The following ZNF892 variants were observed in gnomAD, a reference collection of about 807,000 sequenced individuals.
The protein encoded by ZNF892 is zinc finger protein 570-like.
the ZNF892 span, among the ~76,000 whole-genome samples, chr2:95,210,156 T>C: frequency 2.7e-5 from 4 of 149,240 alleles, no homozygotes; most frequent in South Asian, 4.2e-4. Flanking sequence ...TATGTATATA[T>C]GTGTATATAT....
At chr2:95,214,790 C>T in the ZNF892 span, 17 of 460,748 alleles carry the variant, frequency 3.7e-5, no homozygotes, top group African/African-American at 2.4e-4. Context: ...ATGAATGTAA[C>T]GAATGTGGTA....
At chr2:95,252,255 G>T in the ZNF892 span, among the ~76,000 whole-genome samples, 1 of 116,092 alleles carries the variant, frequency 8.6e-6, no homozygotes, top group African/African-American at 3.4e-5. Flanking sequence ...CACACAGCAG[G>T]CCCCAGTGTG....
the ZNF892 span, among the ~76,000 whole-genome samples, chr2:95,210,068 C>CAT: frequency 1.4e-5 from 2 of 147,088 alleles, no homozygotes; most frequent in East Asian, 4.1e-4. Flanking sequence ...CCGTTCGATT[C>CAT]ATATATATAT....
chr2:95,210,532 G>A, the ZNF892 span, among the ~76,000 whole-genome samples: 85 of 152,162 alleles, frequency 5.6e-4, no homozygotes, highest in African/African-American at 1.9e-3. Flanking sequence ...ATGAAGGTTA[G>A]GCTAAATACT....
the ZNF892 span, among the ~76,000 whole-genome samples, chr2:95,208,444 G>A: frequency 2.0e-5 from 3 of 152,186 alleles, no homozygotes; most frequent in Non-Finnish European, 4.4e-5. Context: ...ATGCTCATAG[G>A]AGTTCTACTG....
chr2:95,246,163 C>T, the ZNF892 span, among the ~76,000 whole-genome samples: 1 of 152,128 alleles, frequency 6.6e-6, no homozygotes, highest in Non-Finnish European at 1.5e-5. Context: ...AAAGGTTATC[C>T]ACGACAATCA....
chr2:95,215,730 G>T, the ZNF892 span: 2 of 397,250 alleles, frequency 5.0e-6, no homozygotes, highest in Non-Finnish European at 8.9e-6. Flanking sequence ...GCTGATGTGG[G>T]AGGTAACATG....
the ZNF892 span, among the ~76,000 whole-genome samples, chr2:95,253,096 T>A: frequency 6.6e-6 from 1 of 152,234 alleles, no homozygotes; most frequent in African/African-American, 2.4e-5. Flanking sequence ...TTTAATTAGA[T>A]CCCATTTGTC....
chr2:95,225,910 G>A, the ZNF892 span, among the ~76,000 whole-genome samples: 2 of 152,210 alleles, frequency 1.3e-5, no homozygotes, highest in Non-Finnish European at 2.9e-5. Context: ...CAGAAAAAAA[G>A]AGAGGAGATC....
chr2:95,241,816 A>C, the ZNF892 span, among the ~76,000 whole-genome samples: 1 of 152,150 alleles, frequency 6.6e-6, no homozygotes, highest in East Asian at 1.9e-4. Context: ...GACTTGATGG[A>C]GCTAAAAACA....
the ZNF892 span, among the ~76,000 whole-genome samples, chr2:95,262,416 T>C: frequency 2.5e-4 from 38 of 152,314 alleles, no homozygotes; most frequent in Non-Finnish European, 4.6e-4. Context: ...AAAGTTCATG[T>C]TTCCCACCCT....
the ZNF892 span, chr2:95,207,980 A>T: frequency 5.0e-6 from 2 of 396,846 alleles, no homozygotes; most frequent in South Asian, 2.8e-4. Context: ...TTTGAGGGAT[A>T]GCCCGCCACT....
At chr2:95,212,102 C>T in the ZNF892 span, 2 of 397,330 alleles carry the variant, frequency 5.0e-6, no homozygotes, top group Non-Finnish European at 8.9e-6. Context: ...GAGAACTGAC[C>T]TCACTCTCTC....
chr2:95,244,957 T>C, the ZNF892 span, among the ~76,000 whole-genome samples: 1 of 152,096 alleles, frequency 6.6e-6, no homozygotes, highest in Non-Finnish European at 1.5e-5. Context: ...AATCATGAAA[T>C]GAAGGCAGAA....
the ZNF892 span, among the ~76,000 whole-genome samples, chr2:95,236,771 G>A: frequency 6.6e-6 from 1 of 152,170 alleles, no homozygotes; most frequent in Non-Finnish European, 1.5e-5. Flanking sequence ...TTCTAGAATA[G>A]TCATGATTGA....
At chr2:95,237,264 C>T in the ZNF892 span, among the ~76,000 whole-genome samples, 2 of 152,092 alleles carry the variant, frequency 1.3e-5, no homozygotes, top group East Asian at 3.9e-4. Context: ...TCTCCTGCCT[C>T]AGTCTCCCGA....
the ZNF892 span, among the ~76,000 whole-genome samples, chr2:95,235,099 TG>T: frequency 6.6e-6 from 1 of 152,174 alleles, no homozygotes; most frequent in African/African-American, 2.4e-5. Context: ...CCCACACATT[TG>T]GTCACAGAAG....
chr2:95,221,735 G>A, the ZNF892 span, among the ~76,000 whole-genome samples: 7 of 152,090 alleles, frequency 4.6e-5, no homozygotes, highest in Admixed American at 2.0e-4. Context: ...AATGTTTCTA[G>A]AGATGTGTCA....
the ZNF892 span, among the ~76,000 whole-genome samples, chr2:95,262,390 G>A: frequency 4.6e-5 from 7 of 152,308 alleles, no homozygotes; most frequent in East Asian, 1.4e-3. Context: ...ATTCCAGGCA[G>A]CAGAGTGCCC....
Sources: gnomAD v4.1 joint callset for allele counts (sites outside exome capture counted in the v4.1 genomes callset) on GRCh38, gnomAD v4.1.1 for gene constraint, MANE v1.5 for transcripts, NCBI Gene and HGNC (gene_info 2026-07-23, HGNC 2026-07-21) for gene names.